Variants in PLGRKT observed in about 807,000 individuals in gnomAD.
PLGRKT encodes plasminogen receptor with a C-terminal lysine.
Under a neutral mutation model 18.5 loss-of-function variants are expected in PLGRKT, and 22 were observed. The ratio of observed to expected loss-of-function variants is 1.19; its 90% CI spans 0.85 to 1.70. The LOEUF (loss-of-function observed/expected upper bound fraction) is 1.70, where lower values mean the gene tolerates loss of function less well. PLGRKT is among the 40% of genes most tolerant of loss of function. PLGRKT has a pLI of 0.00. For synonymous variants in PLGRKT, 72 were observed against 52.8 expected, an observed-to-expected ratio of 1.36 and a Z score of -1.58; for missense variants, 235 against 174.4, an observed-to-expected ratio of 1.35 and a Z score of -1.96.
At chr9:5,409,311 T>G (rs1248344482) in intron 3 of PLGRKT, among the ~76,000 whole-genome samples, 1 of 152,208 alleles carries the variant, frequency 6.6e-6, no homozygotes, top group Non-Finnish European at 1.5e-5. Context: ...CACCATCTAA[T>G]CAGCTGCCAG....
chr9:5,361,093 A>T lies in PLGRKT; in HGVS notation c.307T>A (p.Leu103Ile), dbSNP rs1586696354. The stretch of plus-strand genomic sequence containing the variant: ...AAAGACTTACCTTTCATTCTTTCTA[A>T]AAGGGTTCCATAGCCCAAGTCATAC... Reference protein sequence around the residue: ...YQYDLGYGTLLERMKGEAEDI... With the variant: ...YQYDLGYGTLIERMKGEAEDI... Residue 103 changes from leucine to isoleucine, a missense_variant, in exon 5 of 6, where the codon TTA becomes ATA. Coordinates refer to ENST00000223864, the MANE Select transcript of PLGRKT (RefSeq NM_018465.4). The T allele has an allele frequency of 1.3e-6, 2 of 1,550,986 alleles. No individual in the cohort carries two copies. The highest frequency in any genetic ancestry group is 1.4e-5 in the African/African-American group (1 of 73,518).
intron 3 of PLGRKT, among the ~76,000 whole-genome samples, chr9:5,381,399 G>A (rs187544803): frequency 6.6e-6 from 1 of 152,350 alleles, no homozygotes; most frequent in East Asian, 1.9e-4. Context: ...CCAAGGTACA[G>A]CTCAGGTCAT....
chr9:5,418,278 T>G lies in PLGRKT; in HGVS notation c.81+13619A>C. The stretch of plus-strand genomic sequence containing the variant: ...CCAGCTCTCAGCACCAAATGGTCAG[T>G]GTCGCCCCCTCATCTTCTCACTGGG... On this transcript the variant is annotated intron_variant, in intron 3 of 5. Transcript: ENST00000223864. The surrounding 1 kb of genome is among the most constrained non-coding windows in gnomAD (Gnocchi z 4.2). The G allele has an allele frequency of 2.1e-6, 1 of 477,750 alleles. No individual in the cohort carries two copies. Among genetic ancestry groups the G allele is most frequent in the Non-Finnish European group, 4.0e-6 (1 of 249,850 alleles). 29.6% of individuals were successfully genotyped at this position (477,750 alleles called of 1,614,324 possible). A position where few individuals can be genotyped will look rare whatever the true frequency, so the allele number is the denominator to read the frequency against.
intron 2 of PLGRKT, among the ~76,000 whole-genome samples, chr9:5,432,542 G>A (rs1370767383): frequency 1.3e-5 from 2 of 149,218 alleles, no homozygotes; most frequent in Non-Finnish European, 3.0e-5. Flanking sequence ...CTCTTGCGGA[G>A]CCTGGACTGT....
intron 3 of PLGRKT, among the ~76,000 whole-genome samples, chr9:5,409,896 T>G (rs1818330183): frequency 6.6e-6 from 1 of 152,228 alleles, no homozygotes; most frequent in African/African-American, 2.4e-5. Flanking sequence ...AATGAAATTC[T>G]AACTTTTTTT....
At chr9:5,372,067 C>A (rs572573106) in intron 3 of PLGRKT, among the ~76,000 whole-genome samples, 1 of 141,712 alleles carries the variant, frequency 7.1e-6, no homozygotes, top group Non-Finnish European at 1.5e-5. Flanking sequence ...CTGCAACTTC[C>A]GCCTCTTGGG....
intron 2 of PLGRKT, among the ~76,000 whole-genome samples, chr9:5,436,035 C>G (rs973870140): frequency 1.3e-5 from 2 of 152,232 alleles, no homozygotes; most frequent in Non-Finnish European, 2.9e-5. Flanking sequence ...AGGCACAATG[C>G]TGAAAAGGCC....
At chr9:5,362,048 T>A (rs907955579) in intron 3 of PLGRKT, among the ~76,000 whole-genome samples, 160 bp from the exon 4 acceptor site, 43 of 152,200 alleles carry the variant, frequency 2.8e-4, no homozygotes, top group African/African-American at 9.9e-4. Flanking sequence ...TTTGGACAGC[T>A]CTCACCAACT....
chr9:5,417,117 A>C (rs1818476804), intron 3 of PLGRKT, among the ~76,000 whole-genome samples: 1 of 152,216 alleles, frequency 6.6e-6, no homozygotes, highest in African/African-American at 2.4e-5. Flanking sequence ...TGAAAGAGAA[A>C]GACACAGCAG....
intron 3 of PLGRKT, among the ~76,000 whole-genome samples, chr9:5,417,653 ACT>A (rs954638660): frequency 2.9e-5 from 4 of 137,086 alleles, no homozygotes; most frequent in East Asian, 2.1e-4. Context: ...TATGTAAAGT[ACT>A]CTTTTTTTTT....
intron 3 of PLGRKT, among the ~76,000 whole-genome samples, chr9:5,396,613 T>C (rs1818054289): frequency 6.6e-6 from 1 of 152,070 alleles, no homozygotes; most frequent in South Asian, 2.1e-4. Flanking sequence ...ATAATTTCAA[T>C]AAAACATTTT....
chr9:5,391,692 T>C (rs1817952293), intron 3 of PLGRKT, among the ~76,000 whole-genome samples: 1 of 151,932 alleles, frequency 6.6e-6, no homozygotes, highest in Non-Finnish European at 1.5e-5. Flanking sequence ...GATGAACCAA[T>C]AAACAAAGCA....
At chr9:5,396,889 T>G (rs1344519854) in intron 3 of PLGRKT, among the ~76,000 whole-genome samples, 4 of 151,992 alleles carry the variant, frequency 2.6e-5, no homozygotes, top group African/African-American at 9.7e-5. Flanking sequence ...ATTAAGCACT[T>G]CATTTTCAGT....
At chr9:5,413,714 A>G (rs1224169025) in intron 3 of PLGRKT, among the ~76,000 whole-genome samples, 1 of 152,238 alleles carries the variant, frequency 6.6e-6, no homozygotes, top group Non-Finnish European at 1.5e-5. Context: ...TCTGGCCTTC[A>G]GAAATATAAG....
Position 5,404,786 on chromosome 9 carries a change from G to C in PLGRKT, c.81+27111C>G, listed in dbSNP as rs148468135. 8.1e-3 allele frequency among the ~76,000 whole-genome samples: 1,237 copies of C among 152,218 alleles called. 20 individuals carry two copies. Among genetic ancestry groups the C allele is most frequent in the African/African-American group, 0.029 (1,202 of 41,510 alleles). ...TTGGAAGTCCTAGCCAGGTCAATCA[G>C]GCAAGAGAAAGAAATAAAGTGTATT... is the stretch of plus-strand genomic sequence containing the variant. On this transcript the variant is annotated intron_variant, in intron 3 of 5. Coordinates refer to ENST00000223864, the MANE Select transcript of PLGRKT (RefSeq NM_018465.4).
intron 5 of PLGRKT, among the ~76,000 whole-genome samples, chr9:5,360,257 A>T (rs1586695656): frequency 6.6e-6 from 1 of 152,376 alleles, no homozygotes; most frequent in Admixed American, 6.5e-5. Flanking sequence ...GCACACTTTT[A>T]AGCTTAATCT....
At chr9:5,400,826 C>A (rs925123439) in intron 3 of PLGRKT, among the ~76,000 whole-genome samples, 1 of 151,746 alleles carries the variant, frequency 6.6e-6, no homozygotes, top group African/African-American at 2.4e-5. Flanking sequence ...ATTAGAAAAC[C>A]AACATATTCA....
At chr9:5,398,657 T>A (rs1818098427) in intron 3 of PLGRKT, among the ~76,000 whole-genome samples, 1 of 151,880 alleles carries the variant, frequency 6.6e-6, no homozygotes, top group South Asian at 2.1e-4. Context: ...ATAAAGCCTT[T>A]GGGATCCTCT....
At chr9:5,377,148 T>C (rs940562238) in intron 3 of PLGRKT, among the ~76,000 whole-genome samples, 3 of 152,096 alleles carry the variant, frequency 2.0e-5, no homozygotes, top group African/African-American at 4.8e-5. Context: ...ATGACTTTCC[T>C]ACATTGTGAA....
Sources: gnomAD v4.1 joint callset for allele counts (sites outside exome capture counted in the v4.1 genomes callset) on GRCh38, gnomAD v4.1.1 for gene constraint, Gnocchi (gnomAD v3.1) non-coding constraint, MANE v1.5 for transcripts, NCBI Gene and HGNC (gene_info 2026-07-23, HGNC 2026-07-21) for gene names.